Variants in PLXDC2 observed in about 807,000 individuals in gnomAD.
The protein encoded by PLXDC2 is plexin domain containing 2, also known as plexin domain-containing protein 2.
Under a neutral mutation model 68.9 loss-of-function variants are expected in PLXDC2, and 40 were observed. That is an observed-to-expected ratio of 0.58 (90% confidence interval 0.45 to 0.76). PLXDC2 has a LOEUF of 0.76. PLXDC2 is among the 30% of genes least tolerant of loss of function. The pLI is 0.00. For missense variants in PLXDC2, 644 were observed against 661.9 expected, an observed-to-expected ratio of 0.97 and a Z score of 0.30; for synonymous variants, 243 against 234.2, an observed-to-expected ratio of 1.04 and a Z score of -0.34.
chr10:20,199,136 T>A (rs985253383), intron 9 of PLXDC2, among the ~76,000 whole-genome samples: 8 of 152,070 alleles, frequency 5.3e-5, no homozygotes, highest in African/African-American at 1.9e-4. Flanking sequence ...TGGTTTAATT[T>A]AAAGAAATCT....
At chr10:20,147,979 G>C in intron 6 of PLXDC2, 77 bp downstream of exon 6, 1 of 1,008,530 alleles carries the variant, frequency 9.9e-7, no homozygotes, top group Non-Finnish European at 1.6e-6. Context: ...TCAAGAAAGG[G>C]ACATTTTACA....
At chr10:20,089,853 T>G (rs1442294165) in intron 4 of PLXDC2, among the ~76,000 whole-genome samples, 1 of 152,180 alleles carries the variant, frequency 6.6e-6, no homozygotes, top group African/African-American at 2.4e-5. Flanking sequence ...CAAATAAAAT[T>G]CATACATTTT....
intron 2 of PLXDC2, among the ~76,000 whole-genome samples, chr10:20,015,964 C>T (rs935506558): frequency 2.0e-5 from 3 of 152,180 alleles, no homozygotes; most frequent in African/African-American, 7.2e-5. Context: ...AGTCTGAAAC[C>T]ATTCCCCATG....
intron 4 of PLXDC2, among the ~76,000 whole-genome samples, chr10:20,084,665 C>T (rs1391908986): frequency 6.6e-6 from 1 of 152,008 alleles, no homozygotes; most frequent in Non-Finnish European, 1.5e-5. Flanking sequence ...GGCCTTATAC[C>T]TTAACTTCCA....
At chr10:20,024,280 T>A (rs1461585733) in intron 2 of PLXDC2, among the ~76,000 whole-genome samples, 1 of 152,238 alleles carries the variant, frequency 6.6e-6, no homozygotes, top group Non-Finnish European at 1.5e-5. Flanking sequence ...TGATAAATGA[T>A]GTCCTTCATA....
chr10:19,993,636 T>G (rs1589574995), intron 1 of PLXDC2, among the ~76,000 whole-genome samples: 2 of 152,276 alleles, frequency 1.3e-5, no homozygotes, highest in Non-Finnish European at 2.9e-5. Flanking sequence ...GCTAGGCTGG[T>G]TTCAAACTCC....
intron 13 of PLXDC2, among the ~76,000 whole-genome samples, chr10:20,260,140 G>T (rs1045144815): frequency 6.6e-4 from 101 of 152,212 alleles, no homozygotes; most frequent in African/African-American, 2.4e-3. Context: ...TGAAGTGATT[G>T]CTATAGTCAG....
intron 9 of PLXDC2, among the ~76,000 whole-genome samples, chr10:20,207,434 A>C (rs764245591): frequency 1.6e-4 from 25 of 152,166 alleles, no homozygotes; most frequent in South Asian, 8.3e-4. Flanking sequence ...TATAAGGTAA[A>C]AGTTTGTACA....
intron 13 of PLXDC2, among the ~76,000 whole-genome samples, chr10:20,271,160 C>CACAT: frequency 6.6e-6 from 1 of 151,896 alleles, no homozygotes; most frequent in South Asian, 2.1e-4. Flanking sequence ...CACACACACA[C>CACAT]ACACAAACAG....
intron 2 of PLXDC2, among the ~76,000 whole-genome samples, chr10:20,030,084 T>G (rs890348657): frequency 1.3e-5 from 2 of 152,162 alleles, no homozygotes; most frequent in African/African-American, 4.8e-5. Context: ...GGATGCTACT[T>G]AAGAGTATTA....
At chr10:20,025,993 C>T (rs1320875580) in intron 2 of PLXDC2, among the ~76,000 whole-genome samples, 1 of 152,014 alleles carries the variant, frequency 6.6e-6, no homozygotes, top group Non-Finnish European at 1.5e-5. Flanking sequence ...CAGAGGAAAG[C>T]TATGAGCAAA....
chr10:19,838,511 C>T (rs2131315705), intron 1 of PLXDC2, among the ~76,000 whole-genome samples: 1 of 152,242 alleles, frequency 6.6e-6, no homozygotes, highest in South Asian at 2.1e-4. Context: ...CTATAGTCTC[C>T]TTAAATTTAT....
chr10:19,897,273 C>G (rs1326100150), intron 1 of PLXDC2, among the ~76,000 whole-genome samples: 2 of 147,238 alleles, frequency 1.4e-5, no homozygotes, highest in East Asian at 2.0e-4. Context: ...GAGTTTTGCT[C>G]TTGTCGCCCA....
At chr10:20,126,318 A>AATATATACATATACATTATATAATAC (rs1564324847) in intron 4 of PLXDC2, among the ~76,000 whole-genome samples, 1 of 86,172 alleles carries the variant, frequency 1.2e-5, no homozygotes. Flanking sequence ...TACGTTATAT[A>AATATATACATATACATTATATAATAC]ATATATACAT....
intron 12 of PLXDC2, among the ~76,000 whole-genome samples, chr10:20,227,872 A>T (rs1468141865): frequency 1.3e-5 from 2 of 152,200 alleles, no homozygotes; most frequent in East Asian, 1.9e-4. Context: ...GAGGCTAAAA[A>T]AAAGTAGTAG....
In PLXDC2 at chr10:20,288,999, T is replaced by G. The variant is rs1236176602; in HGVS notation, c.*9180T>G. The G allele has an allele frequency of 1.3e-5, 2 of 152,248 alleles. No individual in the cohort carries two copies. Among genetic ancestry groups the G allele is most frequent in the Admixed American group, 1.3e-4 (2 of 15,288 alleles). The allele number at this position is 152,248 out of a possible 1,614,324, so 9.4% of individuals were successfully genotyped here. On this transcript the variant is annotated 3_prime_UTR_variant, in exon 14 of 14. Coordinates refer to ENST00000377252, the MANE Select transcript of PLXDC2 (RefSeq NM_032812.9). ...GAGGGAGCTATTTGTGTAAGACTGC[T>G]GTCATATTTGACTACATATTAAAAA...
At chr10:20,244,196 C>A (rs944436072) in intron 12 of PLXDC2, among the ~76,000 whole-genome samples, 1 of 152,126 alleles carries the variant, frequency 6.6e-6, no homozygotes, top group Non-Finnish European at 1.5e-5. Context: ...TAAGATACAA[C>A]TTACTGTATC....
chr10:19,914,031 G>T (rs1284969504), intron 1 of PLXDC2, among the ~76,000 whole-genome samples: 2 of 151,000 alleles, frequency 1.3e-5, no homozygotes, highest in African/African-American at 4.9e-5. Context: ...AATAAAGAAG[G>T]GAAGGAAGGA....
chr10:19,820,803 C>G (rs896337453), intron 1 of PLXDC2, among the ~76,000 whole-genome samples: 6 of 152,012 alleles, frequency 3.9e-5, no homozygotes, highest in African/African-American at 1.5e-4. Context: ...GCAGGCTGGG[C>G]ACGGCAGCTC....
Sources: allele counts gnomAD v4.1 joint callset (sites outside exome capture counted in the v4.1 genomes callset), GRCh38; gene constraint gnomAD v4.1.1; transcripts MANE v1.5; gene names NCBI Gene and HGNC (gene_info 2026-07-23, HGNC 2026-07-21).